Variants in PAM16 observed in about 807,000 individuals in gnomAD.
PAM16 encodes the protein mitochondrial import inner membrane translocase subunit TIM16.
In PAM16, 11 loss-of-function variants were observed where a neutral mutation model predicts 17.9. The observed-to-expected ratio is 0.62, with a 90% CI of 0.39 to 1.02. The LOEUF is 1.02. PAM16 is among the 50% of genes least tolerant of loss of function. The pLI is 0.01. For missense variants in PAM16, 199 were observed against 165.4 expected (o/e 1.20, Z -1.11); for synonymous variants, 72 against 67.4 (o/e 1.07, Z -0.34).
At chr16:4,348,186 G>A (rs778241222) in intron 1 of PAM16, 1 of 152,226 alleles carries the variant, frequency 6.6e-6, no homozygotes, top group Non-Finnish European at 1.5e-5. Context: ...ACAACATCAG[G>A]GACCTGGCCA....
At chr16:4,347,214 G>A (rs1283591767) in intron 1 of PAM16, 1 of 152,180 alleles carries the variant, frequency 6.6e-6, no homozygotes, top group Non-Finnish European at 1.5e-5. Context: ...TGGGCCATTA[G>A]GGGAATGAAC....
intron 1 of PAM16, chr16:4,348,333 C>A (rs1474878024): frequency 6.6e-6 from 1 of 152,298 alleles, no homozygotes; most frequent in African/African-American, 2.4e-5. Context: ...CGGGAGGGTT[C>A]TGGCCATCTC....
At chr16:4,343,900 G>A in intron 1 of PAM16, 1 of 397,956 alleles carries the variant, frequency 2.5e-6, no homozygotes, top group Non-Finnish European at 4.4e-6. Flanking sequence ...GGGAGAGTCA[G>A]GCTCGTTCAT....
chr16:4,340,875 AGG>A, intron 4 of PAM16, 43 bp downstream of exon 4: 1 of 1,609,408 alleles, frequency 6.2e-7, no homozygotes, highest in Non-Finnish European at 8.5e-7. Context: ...GGTGAGAAGA[AGG>A]GGTCCCATGA....
chr16:4,341,969 C>G (rs1233813881), intron 2 of PAM16, among the ~76,000 whole-genome samples: 1 of 152,202 alleles, frequency 6.6e-6, no homozygotes, highest in Non-Finnish European at 1.5e-5. Context: ...TCAGGAGCTG[C>G]TAAACTTTTC....
At chr16:4,344,815 T>C (rs80216566) in intron 1 of PAM16, among the ~76,000 whole-genome samples, 63 of 36,324 alleles carry the variant, frequency 1.7e-3, no homozygotes, top group East Asian at 3.3e-3. Flanking sequence ...GAGGAGGGGA[T>C]TGTGTGAGAG....
intron 1 of PAM16, chr16:4,347,242 G>C (rs368154832): frequency 1.3e-5 from 2 of 152,192 alleles, no homozygotes; most frequent in Non-Finnish European, 2.9e-5. Flanking sequence ...AGTGGGTTAG[G>C]ATTTCACAAG....
At chr16:4,343,602 A>C in intron 1 of PAM16, 3 of 1,376,730 alleles carry the variant, frequency 2.2e-6, no homozygotes, top group Non-Finnish European at 2.8e-6. Context: ...CGGCTTCAGG[A>C]AGAAACACTG....
chr16:4,343,316 T>C (rs1567230320), intron 1 of PAM16, 25 bp from the exon 2 acceptor site: 5 of 1,584,648 alleles, frequency 3.2e-6, no homozygotes, highest in Non-Finnish European at 4.3e-6. Context: ...GGCACCCGGT[T>C]AGCAGGCCAC....
Position 4,343,313 on chromosome 16 carries a change from G to A in PAM16, c.4-22C>T, listed in dbSNP as rs753615685. 1.6e-5 allele frequency: 26 copies of A among 1,588,374 alleles called. 1 individual carries two copies. The highest frequency in any genetic ancestry group is 2.0e-5 in the Non-Finnish European group (23 of 1,168,770). ...TGGCCTGTGGGCAAAGCAGGCACCC[G>A]GTTAGCAGGCCACTCCCTGTGGGCC... On this transcript the variant is annotated intron_variant, in intron 1 of 4. Transcript: ENST00000318059.
At chr16:4,343,488 A>G (rs1340607874) in intron 1 of PAM16, 197 bp from the exon 2 acceptor site, 2 of 1,426,966 alleles carry the variant, frequency 1.4e-6, no homozygotes, top group Non-Finnish European at 1.8e-6. Context: ...CTCACTGGAC[A>G]GGCAGGCAGG....
chr16:4,346,061 G>A (rs1285724686), intron 1 of PAM16: 5 of 753,008 alleles, frequency 6.6e-6, no homozygotes, highest in East Asian at 1.3e-4. Flanking sequence ...GAGCTTCCCC[G>A]ACCATCCCCT....
chr16:4,346,098 T>C (rs1047985028), intron 1 of PAM16: 14 of 420,958 alleles, frequency 3.3e-5, no homozygotes, highest in Admixed American at 1.3e-4. Context: ...AGCGGCGTGG[T>C]GGCCTGTGGC....
At chr16:4,349,269 C>G (rs1375762500) in intron 1 of PAM16, among the ~76,000 whole-genome samples, 1 of 151,968 alleles carries the variant, frequency 6.6e-6, no homozygotes, top group Non-Finnish European at 1.5e-5. Flanking sequence ...CTTTCTTTTC[C>G]TGTTAATATA....
rs774572122 is a variant in PAM16, at chr16:4,351,253, G to T, written c.-19C>A. The T allele has an allele frequency of 6.8e-7, 1 of 1,465,644 alleles. No individual in the cohort carries two copies. 90.8% of individuals were successfully genotyped at this position (1,465,644 alleles called of 1,614,324 possible). On this transcript the variant is annotated 5_prime_UTR_variant, in exon 1 of 5. Coordinates refer to ENST00000318059, the MANE Select transcript of PAM16 (RefSeq NM_016069.11). ...TCACCATGGCAGCCGCTCTGCCTCC[G>T]GGGCTCAAACTCCGACTTCCTGGCC... is the stretch of plus-strand genomic sequence containing the variant.
At chr16:4,344,150 C>T (rs962972059) in intron 1 of PAM16, 4 of 390,254 alleles carry the variant, frequency 1.0e-5, no homozygotes, top group Non-Finnish European at 1.3e-5. Flanking sequence ...GCAACAGAGT[C>T]GAGGGAAAAC....
At chr16:4,343,357 A>C (rs2053680932) in intron 1 of PAM16, 66 bp from the exon 2 acceptor site, 1 of 1,541,942 alleles carries the variant, frequency 6.5e-7, no homozygotes, top group Non-Finnish European at 8.7e-7. Flanking sequence ...TGGGCCCTGG[A>C]AACGGCTGCC....
At chr16:4,346,298 G>T (rs888308600) in intron 1 of PAM16, among the ~76,000 whole-genome samples, 1 of 152,212 alleles carries the variant, frequency 6.6e-6, no homozygotes, top group Admixed American at 6.5e-5. Flanking sequence ...ACATAGACAC[G>T]TTCTCAACTC....
At chr16:4,342,498 T>C (rs2053664400) in intron 2 of PAM16, among the ~76,000 whole-genome samples, 1 of 144,660 alleles carries the variant, frequency 6.9e-6, no homozygotes, top group Admixed American at 7.1e-5. Flanking sequence ...CTACTAAAAA[T>C]ACAAAATTAG....
Sources: allele counts gnomAD v4.1 joint callset (sites outside exome capture counted in the v4.1 genomes callset), GRCh38; gene constraint gnomAD v4.1.1; transcripts MANE v1.5; gene names NCBI Gene and HGNC (gene_info 2026-07-23, HGNC 2026-07-21).